The following GABRB3 variants were observed in gnomAD, a reference collection of about 807,000 sequenced individuals.
GABRB3 encodes gamma-aminobutyric acid type A receptor subunit beta3, also known as gamma-aminobutyric acid receptor subunit beta-3.
Under a neutral mutation model 52.1 loss-of-function variants are expected in GABRB3, and 14 were observed. The ratio of observed to expected loss-of-function variants is 0.27; its 90% CI spans 0.18 to 0.42. GABRB3 has a LOEUF of 0.42. GABRB3 is among the 10% of genes least tolerant of loss of function. The pLI is 1.00. For missense variants in GABRB3, 307 were observed against 609.1 expected (o/e 0.50, Z 5.22); for synonymous variants, 260 against 232.3 (o/e 1.12, Z -1.08).
At chr15:26,768,922 T>C (rs914894423) in intron 3 of GABRB3, among the ~76,000 whole-genome samples, 8 of 152,170 alleles carry the variant, frequency 5.3e-5, no homozygotes, top group Admixed American at 6.5e-5. Flanking sequence ...TATTAAAACA[T>C]TCAAATCCCT....
chr15:26,552,200 T>A (rs1430270371), intron 8 of GABRB3, among the ~76,000 whole-genome samples: 3 of 152,048 alleles, frequency 2.0e-5, no homozygotes, highest in African/African-American at 7.2e-5. Flanking sequence ...AGAGATGGGG[T>A]TTCTCCATGT....
rs1230261634 is a variant in GABRB3 at position 26,544,158 on chromosome 15, G to A, written c.*3635C>T. 6.6e-6 allele frequency: 1 copy of A among 152,546 alleles called. No homozygotes were observed. Among genetic ancestry groups the A allele is most frequent in the Non-Finnish European group, 1.5e-5 (1 of 68,034 alleles). The allele number at this position is 152,546 out of a possible 1,614,324, so 9.4% of individuals were successfully genotyped here. ...ATATGAACTGGTTTTCAGGTGGAGA[G>A]TTAAAATAAGAATTAAGTGATGGTT... On this transcript the variant is annotated 3_prime_UTR_variant, in exon 9 of 9. Transcript: ENST00000311550.
chr15:26,608,133 G>T (rs1226938212), intron 4 of GABRB3, among the ~76,000 whole-genome samples: 1 of 146,236 alleles, frequency 6.8e-6, no homozygotes, highest in Non-Finnish European at 1.5e-5. Context: ...ATCCGCCAAT[G>T]AAATAGACTA....
chr15:26,593,379 C>T (rs1474785253), intron 4 of GABRB3, among the ~76,000 whole-genome samples: 1 of 152,156 alleles, frequency 6.6e-6, no homozygotes, highest in African/African-American at 2.4e-5. Flanking sequence ...AGTGCATTCA[C>T]ATTGGTGTGC....
intron 4 of GABRB3, among the ~76,000 whole-genome samples, chr15:26,595,564 T>C (rs922921835): frequency 5.9e-5 from 9 of 152,198 alleles, no homozygotes; most frequent in Non-Finnish European, 1.3e-4. Context: ...TTCTAGTTTT[T>C]GTTTTGTTTT....
chr15:26,726,635 T>C (rs1889779594), intron 3 of GABRB3, among the ~76,000 whole-genome samples: 1 of 152,194 alleles, frequency 6.6e-6, no homozygotes, highest in African/African-American at 2.4e-5. Context: ...TCAAGTTACA[T>C]ATTTTTGGCA....
intron 3 of GABRB3, among the ~76,000 whole-genome samples, chr15:26,715,517 T>G (rs1208458245): frequency 1.3e-5 from 2 of 152,062 alleles, no homozygotes; most frequent in Non-Finnish European, 2.9e-5. Context: ...AATAAGTCCT[T>G]AAGTGCCGAG....
intron 3 of GABRB3, among the ~76,000 whole-genome samples, chr15:26,720,419 T>C (rs1443349513): frequency 6.6e-6 from 1 of 152,170 alleles, no homozygotes; most frequent in East Asian, 1.9e-4. Flanking sequence ...TCACACAGCA[T>C]TGTAGAACTT....
intron 3 of GABRB3, among the ~76,000 whole-genome samples, chr15:26,677,622 A>T (rs978452244): frequency 1.3e-5 from 2 of 152,222 alleles, no homozygotes; most frequent in Non-Finnish European, 1.5e-5. Context: ...CCATTCCAAA[A>T]AAGGGAAAAG....
intron 4 of GABRB3, among the ~76,000 whole-genome samples, chr15:26,596,186 T>C (rs367752141): frequency 1.3e-5 from 2 of 152,012 alleles, no homozygotes; most frequent in East Asian, 3.9e-4. Context: ...CAAAGATAGA[T>C]AGGAATTTAG....
intron 3 of GABRB3, among the ~76,000 whole-genome samples, chr15:26,660,938 T>C (rs1172352102): frequency 6.6e-6 from 1 of 152,118 alleles, no homozygotes; most frequent in Non-Finnish European, 1.5e-5. Context: ...TGCACCACTG[T>C]ATCTGGCTAA....
intron 5 of GABRB3, among the ~76,000 whole-genome samples, chr15:26,581,495 T>C (rs1890787926): frequency 1.3e-5 from 2 of 152,194 alleles, no homozygotes; most frequent in South Asian, 4.1e-4. Context: ...TTGCAAATGC[T>C]TCCTAGTGAA....
At chr15:26,642,653 G>A in intron 3 of GABRB3, 1 of 459,644 alleles carries the variant, frequency 2.2e-6, no homozygotes, top group Admixed American at 2.4e-5. Flanking sequence ...ATATATGTAA[G>A]TGTACCCCCC....
Position 26,561,156 on chromosome 15 carries a change from T to C in GABRB3, c.856A>G (p.Met286Val). The C allele has an allele frequency of 6.2e-7, 1 of 1,614,148 alleles. No homozygotes were observed. Among genetic ancestry groups the C allele is most frequent in the Non-Finnish European group, 8.5e-7 (1 of 1,180,044 alleles). ...CGAAGGTGGGTGTTGATGGTTGTCA[T>C]TGTCAGCACAGTTGTGATCCCTAGA... is the stretch of plus-strand genomic sequence containing the variant. ...VALGITTVLTMTTINTHLRET... is the reference protein window; with the variant it reads ...VALGITTVLTVTTINTHLRET... The change falls in exon 8 of 9, where the codon ATG becomes GTG. Residue 286 changes from methionine to valine, a missense_variant. By Grantham distance (21) the Met-to-Val change is conservative (BLOSUM62 1). This residue lies in a region of GABRB3 where 32 missense variants were observed against 147.8 expected (regional missense o/e 0.22). Coordinates refer to ENST00000311550, the MANE Select transcript of GABRB3 (RefSeq NM_000814.6).
rs906698411 is a variant in GABRB3 at position 26,673,821 on chromosome 15, G to A, written c.241-52287C>T. The stretch of plus-strand genomic sequence containing the variant: ...AAGCTTTTATTCTTGGAATGGAATA[G>A]AGCTAGAATGTGACAAGTTAATTAA... On this transcript the variant is annotated intron_variant, in intron 3 of 8. Coordinates refer to ENST00000311550, the MANE Select transcript of GABRB3 (RefSeq NM_000814.6). 3.9e-5 allele frequency among the ~76,000 whole-genome samples: 6 copies of A among 152,210 alleles called. No homozygotes were observed. The South Asian group carries it at 6.2e-4, about 16-fold the overall frequency.
rs915219777 is a variant in GABRB3 at position 26,688,608 on chromosome 15, T to C, written c.241-67074A>G. Among the ~76,000 whole-genome samples the C allele has an allele frequency of 2.6e-5, 4 of 152,318 alleles. No homozygotes were observed. The East Asian group carries it at 7.7e-4, about 29-fold the overall frequency. ...GATGCTATTTGTGGAGTTTCTGTGA[T>C]CCATCTCCTAAGTTATTGCTTATGT... On this transcript the variant is annotated intron_variant, in intron 3 of 8. Transcript: ENST00000311550.
intron 3 of GABRB3, among the ~76,000 whole-genome samples, chr15:26,752,974 G>C (rs1890557568): frequency 6.6e-6 from 1 of 152,182 alleles, no homozygotes; most frequent in Non-Finnish European, 1.5e-5. Flanking sequence ...ACACGTGCTT[G>C]AGGTGTCTAT....
intron 3 of GABRB3, among the ~76,000 whole-genome samples, chr15:26,732,564 CA>C (rs61565610): frequency 2.8e-5 from 4 of 142,196 alleles, no homozygotes; most frequent in South Asian, 2.3e-4. Context: ...CCCTTTCTCC[CA>C]AAAAAATTTT....
At chr15:26,628,234 T>C (rs1236479481) in intron 3 of GABRB3, among the ~76,000 whole-genome samples, 2 of 152,276 alleles carry the variant, frequency 1.3e-5, no homozygotes, top group African/African-American at 4.8e-5. Flanking sequence ...ATATTTGCTT[T>C]ACAGCAATGG....
Sources: allele counts gnomAD v4.1 joint callset (sites outside exome capture counted in the v4.1 genomes callset), GRCh38; gene constraint gnomAD v4.1.1; regional missense constraint gnomAD v4.1.1; transcripts MANE v1.5; gene names NCBI Gene and HGNC (gene_info 2026-07-23, HGNC 2026-07-21).